The following BCL2 variants were observed in gnomAD, a reference collection of about 807,000 sequenced individuals.
BCL2 encodes BCL2 apoptosis regulator, also known as apoptosis regulator Bcl-2.
In BCL2, 1 loss-of-function variant was observed where a neutral mutation model predicts 14.2. That is an observed-to-expected ratio of 0.07 (90% confidence interval 0.02 to 0.33). The LOEUF is 0.33. BCL2 is among the 10% of genes least tolerant of loss of function. The pLI, the probability that BCL2 is intolerant of heterozygous loss-of-function variation, is 0.99. For synonymous variants in BCL2, 151 were observed against 137.2 expected (o/e 1.10, Z -0.70); for missense variants, 247 against 305.9 (o/e 0.81, Z 1.44).
intron 2 of BCL2, among the ~76,000 whole-genome samples, chr18:63,229,422 A>G (rs903493350): frequency 1.3e-5 from 2 of 152,170 alleles, no homozygotes; most frequent in African/African-American, 4.8e-5. Flanking sequence ...GTCCCCCCGA[A>G]TCTCATATTG....
rs1909659107 is a variant in BCL2 at position 63,200,508 on chromosome 18, A to G, written c.586-71749T>C. On this transcript the variant is annotated intron_variant, in intron 2 of 2. Transcript: ENST00000333681. ...TTCAGGACAACAGATTGTCAAAGCC[A>G]TCTTTGAAGGGACTGGCAAAAGTTT... 2.6e-5 allele frequency among the ~76,000 whole-genome samples: 4 copies of G among 152,154 alleles called. No individual in the cohort carries two copies. The South Asian group carries it at 8.3e-4, about 32-fold the overall frequency.
At chr18:63,135,612 C>T (rs1351539111) in intron 2 of BCL2, among the ~76,000 whole-genome samples, 1 of 152,120 alleles carries the variant, frequency 6.6e-6, no homozygotes, top group Non-Finnish European at 1.5e-5. Flanking sequence ...GCACAAATGT[C>T]CATTTCTGCC....
At chr18:63,178,629 AGG>A (rs1282990263) in intron 2 of BCL2, among the ~76,000 whole-genome samples, 10 of 152,178 alleles carry the variant, frequency 6.6e-5, no homozygotes, top group African/African-American at 2.2e-4. Flanking sequence ...TTCACCTTTG[AGG>A]AGCCCCAGAC....
intron 2 of BCL2, among the ~76,000 whole-genome samples, chr18:63,204,744 T>C (rs775196898): frequency 3.3e-5 from 5 of 152,200 alleles, no homozygotes; most frequent in Non-Finnish European, 1.5e-5. Context: ...AGTATTATAC[T>C]ACCTAGGAAG....
intron 2 of BCL2, among the ~76,000 whole-genome samples, chr18:63,170,161 T>C (rs1200437685): frequency 6.6e-6 from 1 of 152,134 alleles, no homozygotes; most frequent in East Asian, 1.9e-4. Context: ...GGGCTAATGA[T>C]AGTGCATACC....
At chr18:63,133,265 C>T (rs1406181681) in intron 2 of BCL2, among the ~76,000 whole-genome samples, 1 of 151,456 alleles carries the variant, frequency 6.6e-6, no homozygotes, top group Non-Finnish European at 1.5e-5. Flanking sequence ...AGCACTCCCA[C>T]CTGGGAGGCA....
chr18:63,199,427 TACACA>T (rs1183859896), intron 2 of BCL2, among the ~76,000 whole-genome samples: 1 of 141,558 alleles, frequency 7.1e-6, no homozygotes, highest in African/African-American at 2.7e-5. Context: ...ATACAAACAC[TACACA>T]ACATAGGCAC....
intron 2 of BCL2, among the ~76,000 whole-genome samples, chr18:63,165,647 G>T (rs1052653958): frequency 6.6e-6 from 1 of 152,234 alleles, no homozygotes; most frequent in Non-Finnish European, 1.5e-5. Context: ...CTCCTTGGGG[G>T]TGAAGGCCTC....
chr18:63,202,261 A>G, intron 2 of BCL2, among the ~76,000 whole-genome samples: 1 of 152,200 alleles, frequency 6.6e-6, no homozygotes, highest in East Asian at 1.9e-4. Flanking sequence ...GTGAGACGAG[A>G]TCGGGCCACT....
Position 63,318,573 on chromosome 18 carries a change from C to G in BCL2, c.94G>C (p.Ala32Pro), listed in dbSNP as rs760840889. The stretch of plus-strand genomic sequence containing the variant: ...GGGGGCGCGGCGCCCACATCTCCCG[C>G]ATCCCACTCGTAGCCCCTCTGCGAC... The part of the protein sequence containing the change: ...KLSQRGYEWD[A>P]GDVGAAPPGA... Residue 32 changes from alanine (A) to proline (P), a missense_variant, in exon 2 of 3, where the codon GCG becomes CCG. Transcript: ENST00000333681. The surrounding 1 kb of genome is among the most constrained non-coding windows in gnomAD (Gnocchi z 7.4). 6.2e-7 allele frequency: 1 copy of G among 1,600,668 alleles called. No homozygotes were observed. Among genetic ancestry groups the G allele is most frequent in the Non-Finnish European group, 8.5e-7 (1 of 1,174,560 alleles).
intron 2 of BCL2, among the ~76,000 whole-genome samples, chr18:63,275,329 C>T (rs1381671718): frequency 1.3e-5 from 2 of 152,192 alleles, no homozygotes; most frequent in Admixed American, 1.3e-4. Context: ...GGTTAGATTT[C>T]ATGAAAACAC....
At chr18:63,174,580 G>T (rs1400034371) in intron 2 of BCL2, among the ~76,000 whole-genome samples, 1 of 152,136 alleles carries the variant, frequency 6.6e-6, no homozygotes, top group Non-Finnish European at 1.5e-5. Flanking sequence ...AGCACTTTGG[G>T]AGGCCGAGGC....
chr18:63,213,863 C>A (rs560449421), intron 2 of BCL2, among the ~76,000 whole-genome samples: 2 of 152,108 alleles, frequency 1.3e-5, no homozygotes, highest in Non-Finnish European at 2.9e-5. Context: ...CCCACCTCAA[C>A]GCACAAGGAA....
In BCL2 at chr18:63,134,707, G is replaced by A. The variant is rs578124913; in HGVS notation, c.586-5948C>T. The stretch of plus-strand genomic sequence containing the variant: ...CAAAGAGCTTACACTCTAGAGAGAG[G>A]TAATGCCTCTATGTGCACATTTGAA... On this transcript the variant is annotated intron_variant, in intron 2 of 2. Transcript: ENST00000333681. Among the ~76,000 whole-genome samples the A allele has an allele frequency of 2.0e-5, 3 of 152,336 alleles. No individual in the cohort carries two copies. The East Asian group carries it at 5.8e-4, about 29-fold the overall frequency.
intron 2 of BCL2, among the ~76,000 whole-genome samples, chr18:63,196,321 T>A (rs1247981027): frequency 6.6e-6 from 1 of 152,180 alleles, no homozygotes; most frequent in Non-Finnish European, 1.5e-5. Flanking sequence ...AAATACACAT[T>A]TTAAAAGGTT....
chr18:63,166,374 G>A (rs966363514), intron 2 of BCL2, among the ~76,000 whole-genome samples: 7 of 152,186 alleles, frequency 4.6e-5, no homozygotes, highest in Admixed American at 6.5e-5. Context: ...CCTGGACGGG[G>A]CAGGGACGGC....
In BCL2 at chr18:63,318,024, A is replaced by G; in HGVS notation, c.585+58T>C. The G allele has an allele frequency of 1.3e-6, 2 of 1,581,732 alleles. No individual in the cohort carries two copies. The highest frequency in any genetic ancestry group is 1.7e-5 in the Admixed American group (1 of 57,398). ...GCCCCAGGAGCCCACCCGCACTCCAACCCCCGCATCTCGGACCTGTGGCCT... is the reference window on the plus strand; with the variant it reads ...GCCCCAGGAGCCCACCCGCACTCCAGCCCCCGCATCTCGGACCTGTGGCCT... On this transcript the variant is annotated intron_variant, in intron 2 of 2. Coordinates refer to ENST00000333681, the MANE Select transcript of BCL2 (RefSeq NM_000633.3). The surrounding 1 kb of genome is among the most constrained non-coding windows in gnomAD (Gnocchi z 7.4).
chr18:63,207,284 CATTT>C (rs1404418491), intron 2 of BCL2, among the ~76,000 whole-genome samples: 3 of 152,184 alleles, frequency 2.0e-5, no homozygotes, highest in Non-Finnish European at 4.4e-5. Flanking sequence ...TCATCTAATT[CATTT>C]GTGTACAGAT....
At chr18:63,146,799 T>C (rs145944035) in intron 2 of BCL2, among the ~76,000 whole-genome samples, 249 of 152,294 alleles carry the variant, frequency 1.6e-3, no homozygotes, top group Non-Finnish European at 3.0e-3. Context: ...TGGTGGGTTT[T>C]AAGAAATTTT....
Sources: allele counts gnomAD v4.1 joint callset (sites outside exome capture counted in the v4.1 genomes callset), GRCh38; gene constraint gnomAD v4.1.1; non-coding constraint Gnocchi (gnomAD v3.1); transcripts MANE v1.5; gene names NCBI Gene and HGNC (gene_info 2026-07-23, HGNC 2026-07-21).